Variants in OXA1L observed in about 807,000 individuals in gnomAD.
OXA1L encodes OXA1L mitochondrial inner membrane insertase.
In OXA1L, 42 loss-of-function variants were observed where a neutral mutation model predicts 52.2. The ratio of observed to expected loss-of-function variants is 0.80; its 90% confidence interval spans 0.63 to 1.04. OXA1L has a LOEUF of 1.04. OXA1L is among the 50% of genes least tolerant of loss of function. OXA1L has a pLI of 0.00. For synonymous variants in OXA1L, 239 were observed against 201.9 expected (o/e 1.18, Z -1.56); for missense variants, 572 against 555.0 (o/e 1.03, Z -0.31).
Position 22,772,514 on chromosome 14 carries a change from A to T in OXA1L, c.*956A>T, listed in dbSNP as rs894756401. Reference sequence around the variant, plus strand: ...AAAAAAAAAAAAAAAAAAAAAAAAAAAAAAACAGTTTAAACTTCCAACCCA... The same window carrying T: ...AAAAAAAAAAAAAAAAAAAAAAAAATAAAAACAGTTTAAACTTCCAACCCA... On this transcript the variant is annotated 3_prime_UTR_variant, in exon 10 of 10. Transcript: ENST00000612549. 1 of 137,660 alleles carries T rather than the reference A, an allele frequency of 7.3e-6. No individual in the cohort carries two copies. The highest frequency in any genetic ancestry group is 1.6e-5 in the Non-Finnish European group (1 of 62,612). 8.5% of individuals were successfully genotyped at this position (137,660 alleles called of 1,614,324 possible).
Position 22,771,531 on chromosome 14 carries a change from G to C in OXA1L, c.1281G>C (p.Lys427Asn), listed in dbSNP as rs917933151. The C allele has an allele frequency of 6.2e-7, 1 of 1,614,096 alleles. No homozygotes were observed. The highest frequency in any genetic ancestry group is 1.7e-5 in the Admixed American group (1 of 60,024). The change falls in exon 10 of 10, where the codon AAG becomes AAC. Residue 427 changes from lysine (K) to asparagine (N), a missense_variant. Around this residue, in one of 5 missense-constraint regions of OXA1L, gnomAD observed 244 missense variants for 240.2 expected, o/e 1.02. Coordinates refer to ENST00000612549, the MANE Select transcript of OXA1L (RefSeq NM_005015.5). ...IPSSSSKPKS[K>N]YPWHDTLG ...GCAGCAGCAGCAAACCAAAGTCAAA[G>C]TATCCCTGGCACGACACACTTGGCT... is the stretch of plus-strand genomic sequence containing the variant.
Position 22,769,929 on chromosome 14 carries a change from T to C in OXA1L, c.578T>C (p.Ile193Thr). 2 of 1,614,092 alleles carry C rather than the reference T, an allele frequency of 1.2e-6. No individual in the cohort carries two copies. Among genetic ancestry groups the C allele is most frequent in the Admixed American group, 1.7e-5 (1 of 60,014 alleles). Residue 193 changes from isoleucine (I) to threonine (T), a missense_variant, in exon 4 of 10, where the codon ATT (isoleucine) becomes ACT (threonine). Physicochemically the swap from Ile to Thr is moderately conservative, Grantham distance 89. This residue lies in a region of OXA1L where 132 missense variants were observed against 124.0 expected (regional missense o/e 1.06). Transcript: ENST00000612549. ...GAGGCCAAGTTAGCAGGAGACCATA[T>C]TGAGTGTGAGTCAGTTGCAGAATGA... The part of the protein sequence containing the change: ...IREAKLAGDH[I>T]EYYKASSEMA...
chr14:22,771,608 A>G lies in OXA1L; in HGVS notation c.*50A>G. Reference sequence around the variant, plus strand: ...AGGAATTCTGTCTCTTCAGAGACTCATCCTCAAAACAAGACTTGACACTGT... The same window carrying G: ...AGGAATTCTGTCTCTTCAGAGACTCGTCCTCAAAACAAGACTTGACACTGT... On this transcript the variant is annotated 3_prime_UTR_variant, in exon 10 of 10. Transcript: ENST00000612549. The G allele has an allele frequency of 1.2e-6, 2 of 1,600,812 alleles. No homozygotes were observed. The highest frequency in any genetic ancestry group is 1.7e-6 in the Non-Finnish European group (2 of 1,168,458).
In OXA1L at chr14:22,772,808, G is replaced by A; in HGVS notation, c.*1250G>A. 1 of 158,626 alleles carries A rather than the reference G, an allele frequency of 6.3e-6. No homozygotes were observed. The highest frequency in any genetic ancestry group is 1.4e-5 in the Non-Finnish European group (1 of 72,098). 9.8% of individuals were successfully genotyped at this position (158,626 alleles called of 1,614,324 possible). A position where few individuals can be genotyped will look rare whatever the true frequency, so the allele number is the denominator to read the frequency against. ...GTCCAGGAATTTGAGACCAGCCTGG[G>A]CAACATGGCGAGACCTTGTCTCTGC... On this transcript the variant is annotated 3_prime_UTR_variant, in exon 10 of 10. Coordinates refer to ENST00000612549, the MANE Select transcript of OXA1L (RefSeq NM_005015.5).
intron 4 of OXA1L, 62 bp from the exon 5 acceptor site, chr14:22,770,131 A>G: frequency 7.4e-7 from 1 of 1,353,476 alleles, no homozygotes; most frequent in Non-Finnish European, 1.1e-6. Flanking sequence ...GTAGATAATG[A>G]GGATGTTCAC....
chr14:22,772,806 G>A lies in OXA1L; in HGVS notation c.*1248G>A, dbSNP rs933957777. ...GAGTCCAGGAATTTGAGACCAGCCT[G>A]GGCAACATGGCGAGACCTTGTCTCT... is the stretch of plus-strand genomic sequence containing the variant. On this transcript the variant is annotated 3_prime_UTR_variant, in exon 10 of 10. Transcript: ENST00000612549. 2 of 158,730 alleles carry A rather than the reference G, an allele frequency of 1.3e-5. No individual in the cohort carries two copies. Among genetic ancestry groups the A allele is most frequent in the Admixed American group, 6.0e-5 (1 of 16,532 alleles). 9.8% of individuals were successfully genotyped at this position (158,730 alleles called of 1,614,324 possible).
In OXA1L at chr14:22,769,948, A is replaced by G. The variant is rs1278668891; in HGVS notation, c.583+14A>G. 2 of 1,613,934 alleles carry G rather than the reference A, an allele frequency of 1.2e-6. No individual in the cohort carries two copies. The highest frequency in any genetic ancestry group is 8.5e-7 in the Non-Finnish European group (1 of 1,179,782). On this transcript the variant is annotated intron_variant, in intron 4 of 9. Coordinates refer to ENST00000612549, the MANE Select transcript of OXA1L (RefSeq NM_005015.5). ...ACCATATTGAGTGTGAGTCAGTTGC[A>G]GAATGAGCGTGGGAGAAGTCCACAT...
intron 5 of OXA1L, 91 bp downstream of exon 5, chr14:22,770,369 G>A (rs1473240535): frequency 1.3e-6 from 2 of 1,544,116 alleles, no homozygotes; most frequent in East Asian, 4.5e-5. Flanking sequence ...CAAAAAACAG[G>A]TGGTGGTGGA....
chr14:22,767,802 G>C, intron 2 of OXA1L, 156 bp from the exon 3 acceptor site: 1 of 571,102 alleles, frequency 1.8e-6, no homozygotes, highest in South Asian at 2.8e-5. Flanking sequence ...ATAAAAATGA[G>C]ATGTCCTTTT....
chr14:22,769,699 A>G (rs904569654), intron 3 of OXA1L, 92 bp from the exon 4 acceptor site: 1 of 1,361,754 alleles, frequency 7.3e-7, no homozygotes. Flanking sequence ...CAAGGCAAGA[A>G]TAAGACCCTT....
At chr14:22,767,880 A>T in intron 2 of OXA1L, 78 bp from the exon 3 acceptor site, 1 of 1,114,804 alleles carries the variant, frequency 9.0e-7, no homozygotes, top group Non-Finnish European at 1.3e-6. Flanking sequence ...AGAACCCAGT[A>T]CTGGTTATTA....
In OXA1L at chr14:22,769,832, A is replaced by G; in HGVS notation, c.481A>G (p.Thr161Ala). 4.3e-6 allele frequency: 7 copies of G among 1,614,138 alleles called. No individual in the cohort carries two copies. Among genetic ancestry groups the G allele is most frequent in the Non-Finnish European group, 5.9e-6 (7 of 1,180,026 alleles). The change falls in exon 4 of 10, where the codon ACG (threonine) becomes GCG (alanine). Residue 161 changes from threonine to alanine, a missense_variant. Physicochemically the swap from Thr to Ala is moderately conservative, Grantham distance 58. Around this residue, in one of 5 missense-constraint regions of OXA1L, gnomAD observed 132 missense variants for 124.0 expected, o/e 1.06. Coordinates refer to ENST00000612549, the MANE Select transcript of OXA1L (RefSeq NM_005015.5). ...ARCLIFPLIV[T>A]GQREAARIHN... The stretch of plus-strand genomic sequence containing the variant: ...CTGCCTGATTTTTCCTCTCATCGTG[A>G]CGGGCCAGCGAGAGGCAGCCAGGAT...
At position 22,771,186 on chromosome 14, in the gene OXA1L, G is replaced by A; in HGVS notation, c.1102+6G>A. The A allele has an allele frequency of 6.2e-7, 1 of 1,613,822 alleles. No individual in the cohort carries two copies. Among genetic ancestry groups the A allele is most frequent in the South Asian group, 1.1e-5 (1 of 91,078 alleles). ...CCTAGAGAGCTTCAAAAAAGGTAAGGGCTCATCCTCTGTGAAAAAGGACTA... is the reference window on the plus strand; with the variant it reads ...CCTAGAGAGCTTCAAAAAAGGTAAGAGCTCATCCTCTGTGAAAAAGGACTA... On this transcript the variant is annotated splice_donor_region_variant and intron_variant, in intron 8 of 9. Transcript: ENST00000612549.
intron 2 of OXA1L, 176 bp from the exon 3 acceptor site, chr14:22,767,782 C>T (rs2038422190): frequency 1.8e-6 from 1 of 549,494 alleles, no homozygotes; most frequent in Non-Finnish European, 3.2e-6. Flanking sequence ...ACTTCTCTTC[C>T]TAACTATTGA....
chr14:22,768,093 C>G lies in OXA1L; in HGVS notation c.361C>G (p.Pro121Ala). 6.2e-7 allele frequency: 1 copy of G among 1,614,142 alleles called. No individual in the cohort carries two copies. The highest frequency in any genetic ancestry group is 8.5e-7 in the Non-Finnish European group (1 of 1,180,000). The change falls in exon 3 of 10, where the codon CCA becomes GCA. Residue 121 changes from proline to alanine, a missense_variant. This residue lies in a region of OXA1L where 5 missense variants were observed against 18.6 expected (regional missense o/e 0.27). Transcript: ENST00000612549. The part of the protein sequence containing the change: ...FAELGLGSYT[P>A]VGLIQNLLEF... ...TGAACTGGGGCTGGGGTCATACACC[C>G]CAGTGGGACTGATCCAGAATTTACT...
intron 6 of OXA1L, 30 bp downstream of exon 6, chr14:22,770,655 T>C: frequency 6.2e-7 from 1 of 1,604,530 alleles, no homozygotes; most frequent in Non-Finnish European, 8.5e-7. Context: ...GTGCCAGGCC[T>C]GCAAAGTGAA....
rs548760892 is a variant in OXA1L at position 22,769,521 on chromosome 14, C to T, written c.440-270C>T. On this transcript the variant is annotated intron_variant, in intron 3 of 9. Transcript: ENST00000612549. ...GCCAGTAACATAATTGCTAAATCCA[C>T]TCCTGTCAGCTTTTTGTTTGAGGAA... Among the ~76,000 whole-genome samples the T allele has an allele frequency of 3.0e-4, 46 of 152,352 alleles. No individual in the cohort carries two copies. The South Asian group carries it at 9.3e-3, about 31-fold the overall frequency.
intron 2 of OXA1L, chr14:22,767,644 C>A: frequency 2.0e-6 from 1 of 511,494 alleles, no homozygotes; most frequent in Non-Finnish European, 3.4e-6. Flanking sequence ...TAAAGAAAAG[C>A]AATTGTTTCA....
chr14:22,767,587 T>A (rs1237999464), intron 2 of OXA1L, 178 bp downstream of exon 2: 1 of 576,686 alleles, frequency 1.7e-6, no homozygotes, highest in Non-Finnish European at 3.0e-6. Flanking sequence ...GGGAAATGAT[T>A]GAAAGTACAA....
Sources: allele counts gnomAD v4.1 joint callset (sites outside exome capture counted in the v4.1 genomes callset), GRCh38; gene constraint gnomAD v4.1.1; regional missense constraint gnomAD v4.1.1; transcripts MANE v1.5; gene names NCBI Gene and HGNC (gene_info 2026-07-23, HGNC 2026-07-21).